CALN1: variants seen among roughly 807,000 people sequenced by gnomAD.
The protein encoded by CALN1 is calcium-binding protein 8.
A neutral mutation model predicts 30.6 loss-of-function variants in CALN1; 17 were observed. That is an observed-to-expected ratio of 0.56 (90% CI 0.38 to 0.83). The LOEUF is 0.83. Ranked by LOEUF, CALN1 falls within the 40% of genes least tolerant of loss-of-function variation. CALN1 has a pLI of 0.00. For synonymous variants in CALN1, 156 were observed against 131.4 expected (o/e 1.19, Z -1.28); for missense variants, 291 against 354.9 (o/e 0.82, Z 1.45).
chr7:71,965,449 A>G (rs1310057738), intron 5 of CALN1, among the ~76,000 whole-genome samples: 2 of 152,238 alleles, frequency 1.3e-5, no homozygotes, highest in African/African-American at 4.8e-5. Context: ...GGAAAACTAA[A>G]AGCTTCCTCT....
chr7:72,370,701 T>A (rs1804185903), intron 2 of CALN1, among the ~76,000 whole-genome samples: 2 of 151,976 alleles, frequency 1.3e-5, no homozygotes, highest in Non-Finnish European at 2.9e-5. Flanking sequence ...ATTGACAAAT[T>A]TTTTTTCTGA....
intron 4 of CALN1, among the ~76,000 whole-genome samples, chr7:72,096,007 C>T (rs1300434152): frequency 6.6e-6 from 1 of 151,880 alleles, no homozygotes; most frequent in East Asian, 1.9e-4. Flanking sequence ...CCACTGCATT[C>T]CAGCCTGGGC....
chr7:71,807,076 T>C (rs560205696), intron 6 of CALN1, among the ~76,000 whole-genome samples: 2 of 151,044 alleles, frequency 1.3e-5, no homozygotes, highest in African/African-American at 4.9e-5. Flanking sequence ...TAGGGAGGAG[T>C]TGACAGTTTG....
At chr7:72,246,422 T>C (rs1190415351) in intron 3 of CALN1, among the ~76,000 whole-genome samples, 3 of 152,088 alleles carry the variant, frequency 2.0e-5, no homozygotes, top group Admixed American at 1.3e-4. Flanking sequence ...TGATGTCCCT[T>C]GGAGAGTGGT....
upstream of CALN1, among the ~76,000 whole-genome samples, chr7:72,451,188 G>GAGGAGA (rs1808649082): frequency 1.6e-5 from 2 of 125,014 alleles, no homozygotes; most frequent in African/African-American, 8.0e-5. Context: ...GCAGGAGGAG[G>GAGGAGA]AGAAGAAGAA....
At chr7:72,178,688 C>CAAA (rs34462364) in intron 3 of CALN1, among the ~76,000 whole-genome samples, 369 of 137,572 alleles carry the variant, frequency 2.7e-3, no homozygotes, top group African/African-American at 8.3e-3. Flanking sequence ...GACTCCATGT[C>CAAA]AAAAAAAAAA....
the CALN1 span, among the ~76,000 whole-genome samples, chr7:72,461,685 C>T: frequency 1.0e-3 from 156 of 152,280 alleles, no homozygotes; most frequent in African/African-American, 3.5e-3. Context: ...TAACAACAAA[C>T]CTGTACTTGT....
At chr7:72,318,283 C>T (rs1156445249) in intron 2 of CALN1, among the ~76,000 whole-genome samples, 1 of 151,588 alleles carries the variant, frequency 6.6e-6, no homozygotes, top group Non-Finnish European at 1.5e-5. Flanking sequence ...ATTCAAGGGA[C>T]TGAAAGAAGT....
At chr7:71,884,277 C>G (rs564372437) in intron 5 of CALN1, among the ~76,000 whole-genome samples, 1 of 152,074 alleles carries the variant, frequency 6.6e-6, no homozygotes, top group African/African-American at 2.4e-5. Context: ...TGCATAGACC[C>G]GCCCACCTTG....
At chr7:72,348,751 G>C (rs1802774600) in intron 2 of CALN1, among the ~76,000 whole-genome samples, 1 of 152,226 alleles carries the variant, frequency 6.6e-6, no homozygotes, top group Non-Finnish European at 1.5e-5. Context: ...AGCTATTTAA[G>C]ACTTGACCTA....
the CALN1 span, among the ~76,000 whole-genome samples, chr7:72,478,887 C>CTTTTTTTTTTTT: frequency 9.3e-5 from 13 of 139,376 alleles, 1 homozygote; most frequent in African/African-American, 3.8e-4. Context: ...CGAACCACTT[C>CTTTTTTTTTTTT]TTTTTTTTTT....
intron 4 of CALN1, among the ~76,000 whole-genome samples, chr7:72,101,319 A>G (rs1584943028): frequency 1.3e-5 from 2 of 152,338 alleles, no homozygotes; most frequent in South Asian, 4.1e-4. Flanking sequence ...AGACGTATAG[A>G]TTAAGACTTT....
At chr7:71,871,784 T>C (rs753608540) in intron 5 of CALN1, among the ~76,000 whole-genome samples, 50 of 152,158 alleles carry the variant, frequency 3.3e-4, no homozygotes, top group Admixed American at 1.7e-3. Context: ...ATGTTTTTTT[T>C]CAAATATCAC....
At position 72,054,416 on chromosome 7, in the gene CALN1, T is replaced by TATATATAC. The variant is rs1563015208; in HGVS notation, c.389-30648_389-30647insGTATATAT. 5.4e-3 allele frequency among the ~76,000 whole-genome samples: 265 copies of TATATATAC among 49,330 alleles called. 12 individuals carry two copies. Among genetic ancestry groups the TATATATAC allele is most frequent in the East Asian group, 0.042 (4 of 96 alleles). 32.4% of individuals were successfully genotyped at this position (49,330 alleles called of 152,430 possible). On this transcript the variant is annotated intron_variant, in intron 4 of 6. Transcript: ENST00000395275. ...GCATATATGTACATATATATATATA[T>TATATATAC]ACGTGTATATATACACGTATATATA...
At chr7:71,877,141 G>A (rs775681947) in intron 5 of CALN1, among the ~76,000 whole-genome samples, 4 of 152,016 alleles carry the variant, frequency 2.6e-5, no homozygotes, top group Non-Finnish European at 5.9e-5. Context: ...ATAGACGCTG[G>A]AAAGACATAT....
At chr7:72,124,426 G>C (rs1009499889) in intron 3 of CALN1, among the ~76,000 whole-genome samples, 3 of 152,158 alleles carry the variant, frequency 2.0e-5, no homozygotes, top group African/African-American at 7.2e-5. Flanking sequence ...ATCACTTTGA[G>C]GCCAGGAGTT....
intron 3 of CALN1, among the ~76,000 whole-genome samples, chr7:72,258,068 A>G (rs1421028051): frequency 1.3e-5 from 2 of 152,094 alleles, no homozygotes; most frequent in African/African-American, 4.8e-5. Flanking sequence ...CCACTGAAGA[A>G]CTTACCCATG....
At chr7:71,897,974 A>AC (rs1208030943) in intron 5 of CALN1, among the ~76,000 whole-genome samples, 6 of 108,890 alleles carry the variant, frequency 5.5e-5, no homozygotes, top group African/African-American at 8.9e-5. Context: ...ACAAAAAACA[A>AC]AAAAAAAAAA....
At chr7:72,410,270 G>A (rs1807031984) in intron 1 of CALN1, among the ~76,000 whole-genome samples, 1 of 152,144 alleles carries the variant, frequency 6.6e-6, no homozygotes, top group South Asian at 2.1e-4. Context: ...TCTCATCACT[G>A]CACTTGTGTT....
Sources: allele counts gnomAD v4.1 joint callset (sites outside exome capture counted in the v4.1 genomes callset), GRCh38; gene constraint gnomAD v4.1.1; transcripts MANE v1.5; gene names NCBI Gene and HGNC (gene_info 2026-07-23, HGNC 2026-07-21).